The following SLC9B2 variants were observed in gnomAD, a reference collection of about 807,000 sequenced individuals.
SLC9B2 encodes solute carrier family 9 member B2.
SLC9B2 carries 39 observed loss-of-function variants against 52.2 expected under a neutral mutation model. That is an observed-to-expected ratio of 0.75 (90% confidence interval 0.58 to 0.98). SLC9B2 has a LOEUF of 0.98. Among genes scored for constraint, SLC9B2 ranks in the 50% least tolerant of loss-of-function variants. The pLI, the probability that SLC9B2 is intolerant of heterozygous loss-of-function variation, is 0.00. For missense variants in SLC9B2, 626 were observed against 637.5 expected (o/e 0.98, Z 0.19); for synonymous variants, 214 against 227.0 (o/e 0.94, Z 0.51).
chr4:103,026,300 A>G lies in SLC9B2; in HGVS notation c.*70T>C. On this transcript the variant is annotated 3_prime_UTR_variant, in exon 12 of 12. Coordinates refer to ENST00000394785, the MANE Select transcript of SLC9B2 (RefSeq NM_178833.7). ...TACATTTTAAGCTTAAACATTACAT[A>G]TTTCAATATGCATCTTGAAAAAAGT... 1 of 1,327,500 alleles carries G rather than the reference A, an allele frequency of 7.5e-7. No individual in the cohort carries two copies. Among genetic ancestry groups the G allele is most frequent in the South Asian group, 1.4e-5 (1 of 69,034 alleles). 82.2% of individuals were successfully genotyped at this position (1,327,500 alleles called of 1,614,324 possible). A position where few individuals can be genotyped will look rare whatever the true frequency, so the allele number is the denominator to read the frequency against.
rs943839503 is a variant in SLC9B2 at position 103,022,332 on chromosome 4, T to C, written c.*4038A>G. Among the ~76,000 whole-genome samples the C allele has an allele frequency of 6.6e-6, 1 of 152,186 alleles. No individual in the cohort carries two copies. The highest frequency in any genetic ancestry group is 2.4e-5 in the African/African-American group (1 of 41,452). ...ACATGAAGGCTTAGCATTCATTATA[T>C]ACAAAAAAATTCTTCAATCTACATA... is the stretch of plus-strand genomic sequence containing the variant. On this transcript the variant is annotated 3_prime_UTR_variant, in exon 12 of 12. Transcript: ENST00000394785.
chr4:103,044,813 T>C, intron 8 of SLC9B2, 77 bp downstream of exon 8: 1 of 1,153,544 alleles, frequency 8.7e-7, no homozygotes, highest in Non-Finnish European at 1.3e-6. Context: ...TTCACATCTG[T>C]CTTTGAAGGA....
intron 4 of SLC9B2, among the ~76,000 whole-genome samples, chr4:103,055,920 C>G (rs897874709): frequency 6.6e-6 from 1 of 151,242 alleles, no homozygotes; most frequent in Non-Finnish European, 1.5e-5. Context: ...TCTCCTGCCT[C>G]AGCCTCCCGA....
chr4:103,069,628 AT>A (rs1403010051), intron 1 of SLC9B2, among the ~76,000 whole-genome samples: 1 of 152,180 alleles, frequency 6.6e-6, no homozygotes, highest in African/African-American at 2.4e-5. Context: ...ACCTTGAAGA[AT>A]TTACTACTTA....
chr4:103,029,950 G>T (rs1049897701), intron 10 of SLC9B2, among the ~76,000 whole-genome samples: 3 of 152,126 alleles, frequency 2.0e-5, no homozygotes, highest in Non-Finnish European at 4.4e-5. Flanking sequence ...TTGTAAATCT[G>T]CCATATGGCT....
At chr4:103,042,211 G>A (rs1050135188) in intron 9 of SLC9B2, 17 of 151,736 alleles carry the variant, frequency 1.1e-4, no homozygotes, top group Admixed American at 3.3e-4. Context: ...AATTTGTAAC[G>A]TTTCCATATT....
At chr4:103,026,697 A>G (rs1742248659) in intron 11 of SLC9B2, 106 bp from the exon 12 acceptor site, 2 of 1,024,762 alleles carry the variant, frequency 2.0e-6, no homozygotes, top group Non-Finnish European at 1.4e-6. Flanking sequence ...CTTTTGCTCA[A>G]CTAAGAAAGT....
At chr4:103,075,837 A>C (rs973824453) in intron 1 of SLC9B2, among the ~76,000 whole-genome samples, 9 of 152,158 alleles carry the variant, frequency 5.9e-5, no homozygotes, top group African/African-American at 2.2e-4. Flanking sequence ...ATAAGCCTGA[A>C]CTATGTTTAG....
At position 103,023,672 on chromosome 4, in the gene SLC9B2, G is replaced by A. The variant is rs961541374; in HGVS notation, c.*2698C>T. Reference sequence around the variant, plus strand: ...AGAGGAAGTCAAAAAGCCAGCACTGGGCAGTCACAGAGATTTAGATGGTGG... The same window carrying A: ...AGAGGAAGTCAAAAAGCCAGCACTGAGCAGTCACAGAGATTTAGATGGTGG... On this transcript the variant is annotated 3_prime_UTR_variant, in exon 12 of 12. Transcript: ENST00000394785. 1.3e-5 allele frequency among the ~76,000 whole-genome samples: 2 copies of A among 152,116 alleles called. No homozygotes were observed. Among genetic ancestry groups the A allele is most frequent in the African/African-American group, 4.8e-5 (2 of 41,404 alleles).
intron 7 of SLC9B2, among the ~76,000 whole-genome samples, chr4:103,046,684 G>GAAGTCTCCACACATCTTTTGTGTC (rs1385806731): frequency 1.4e-4 from 21 of 149,942 alleles, no homozygotes; most frequent in African/African-American, 4.8e-4. Context: ...TCTTTTGTGT[G>GAAGTCTCCACACATCTTTTGTGTC]AAGTCTCCAC....
At chr4:103,070,286 T>C (rs1746501789) in intron 1 of SLC9B2, among the ~76,000 whole-genome samples, 1 of 152,246 alleles carries the variant, frequency 6.6e-6, no homozygotes, top group Non-Finnish European at 1.5e-5. Flanking sequence ...TCATGGTATT[T>C]ATTATTTATA....
intron 3 of SLC9B2, among the ~76,000 whole-genome samples, chr4:103,062,401 A>G (rs1242707169): frequency 6.6e-6 from 1 of 151,580 alleles, no homozygotes; most frequent in Non-Finnish European, 1.5e-5. Flanking sequence ...CCTGGGCAAC[A>G]GAGTGAGACT....
chr4:103,055,900 T>A (rs1745095498), intron 4 of SLC9B2, among the ~76,000 whole-genome samples: 1 of 149,590 alleles, frequency 6.7e-6, no homozygotes, highest in Admixed American at 6.7e-5. Flanking sequence ...ACCTCCCGGG[T>A]TCACGCCATT....
chr4:103,059,207 C>T (rs1285640757), intron 3 of SLC9B2, among the ~76,000 whole-genome samples: 1 of 151,820 alleles, frequency 6.6e-6, no homozygotes, highest in Non-Finnish European at 1.5e-5. Context: ...CCAAAACAAT[C>T]CTAATAAGAG....
chr4:103,067,256 C>A (rs971158726), intron 2 of SLC9B2, among the ~76,000 whole-genome samples: 2 of 152,138 alleles, frequency 1.3e-5, no homozygotes, highest in Non-Finnish European at 2.9e-5. Context: ...GAAACCAAAA[C>A]CATTCTAGAG....
At chr4:103,075,774 T>C (rs537260687) in intron 1 of SLC9B2, among the ~76,000 whole-genome samples, 1 of 152,234 alleles carries the variant, frequency 6.6e-6, no homozygotes, top group East Asian at 1.9e-4. Context: ...TCCTGAATAA[T>C]TGAGTAGAAG....
chr4:103,049,864 T>A (rs1744508007), intron 5 of SLC9B2, among the ~76,000 whole-genome samples: 1 of 151,968 alleles, frequency 6.6e-6, no homozygotes, highest in African/African-American at 2.4e-5. Context: ...ATACAAAAAT[T>A]AGCCGGGTGT....
chr4:103,021,492 C>A (rs868226327), downstream of SLC9B2, among the ~76,000 whole-genome samples: 17 of 145,606 alleles, frequency 1.2e-4, no homozygotes, highest in African/African-American at 4.4e-4. Flanking sequence ...TAATAAAAAA[C>A]ATTTAAACAA....
At chr4:103,041,598 T>C (rs1445918306) in intron 9 of SLC9B2, among the ~76,000 whole-genome samples, 3 of 152,206 alleles carry the variant, frequency 2.0e-5, no homozygotes, top group Non-Finnish European at 4.4e-5. Context: ...CTGTTTCAAA[T>C]GATATTGCTC....
Sources: gnomAD v4.1 joint callset for allele counts (sites outside exome capture counted in the v4.1 genomes callset) on GRCh38, gnomAD v4.1.1 for gene constraint, MANE v1.5 for transcripts, NCBI Gene and HGNC (gene_info 2026-07-23, HGNC 2026-07-21) for gene names.